OXSR1: variants seen among roughly 807,000 people sequenced by gnomAD.
The protein encoded by OXSR1 is oxidative stress responsive kinase 1.
A neutral mutation model predicts 79.8 loss-of-function variants in OXSR1; 24 were observed. The ratio of observed to expected loss-of-function variants is 0.30; its 90% CI spans 0.22 to 0.42. OXSR1 has a LOEUF of 0.42. Ranked by LOEUF, OXSR1 falls within the 10% of genes least tolerant of loss-of-function variation. The pLI is 1.00. For synonymous variants in OXSR1, 226 were observed against 209.2 expected (o/e 1.08, Z -0.69); for missense variants, 430 against 618.4 (o/e 0.70, Z 3.23).
At chr3:38,164,728 A>G (rs980290733), upstream of OXSR1, among the ~76,000 whole-genome samples, 1 of 152,160 alleles carries the variant, frequency 6.6e-6, no homozygotes, top group African/African-American at 2.4e-5. Context: ...GGGAAGAAAG[A>G]CAACCTCCCG....
chr3:38,222,935 AG>A (rs1420746691), intron 6 of OXSR1, among the ~76,000 whole-genome samples: 11 of 152,208 alleles, frequency 7.2e-5, no homozygotes, highest in Non-Finnish European at 1.5e-4. Context: ...ATGTTCACAT[AG>A]AATTAATAAA....
In OXSR1 at chr3:38,255,404, T is replaced by G. The variant is rs1483400477; in HGVS notation, c.*2513T>G. ...GCTAGGTTATGGAAGATGTAAAATA[T>G]TCAACTTTTTCCTCCTTTTTTTGGA... On this transcript the variant is annotated 3_prime_UTR_variant, in exon 18 of 18. Transcript: ENST00000311806. The G allele has an allele frequency of 6.5e-6, 1 of 152,684 alleles. No homozygotes were observed. Among genetic ancestry groups the G allele is most frequent in the East Asian group, 1.9e-4 (1 of 5,202 alleles). 9.5% of individuals were successfully genotyped at this position (152,684 alleles called of 1,614,324 possible).
chr3:38,182,437 T>C (rs947916600), intron 1 of OXSR1, among the ~76,000 whole-genome samples: 9 of 152,246 alleles, frequency 5.9e-5, no homozygotes, highest in African/African-American at 1.9e-4. Flanking sequence ...AGGTCTCTGC[T>C]GAGCTGCCCC....
chr3:38,201,411 T>A (rs1024076391), intron 4 of OXSR1, among the ~76,000 whole-genome samples: 3 of 151,442 alleles, frequency 2.0e-5, no homozygotes, highest in East Asian at 2.0e-4. Context: ...AAAAATTTTT[T>A]AAAATTATCC....
At chr3:38,245,506 G>A (rs1703121853) in intron 12 of OXSR1, among the ~76,000 whole-genome samples, 1 of 152,126 alleles carries the variant, frequency 6.6e-6, no homozygotes, top group Non-Finnish European at 1.5e-5. Flanking sequence ...GAAAAATATA[G>A]CTTCTGTAAT....
At chr3:38,233,982 A>C (rs1234214427) in intron 10 of OXSR1, among the ~76,000 whole-genome samples, 1 of 152,250 alleles carries the variant, frequency 6.6e-6, no homozygotes, top group East Asian at 1.9e-4. Context: ...CTTTCGTGCC[A>C]TGACAATTCA....
chr3:38,251,319 C>A, intron 15 of OXSR1, 84 bp from the exon 16 acceptor site: 1 of 1,121,610 alleles, frequency 8.9e-7, no homozygotes, highest in Non-Finnish European at 1.4e-6. Context: ...CCTAGCATGG[C>A]ACACTGACAC....
chr3:38,184,315 G>A (rs1470578410), intron 2 of OXSR1, among the ~76,000 whole-genome samples: 1 of 152,186 alleles, frequency 6.6e-6, no homozygotes, highest in Non-Finnish European at 1.5e-5. Flanking sequence ...GGAGTGGGCT[G>A]CTGGAATGAT....
At chr3:38,232,236 A>AT (rs1027055674) in intron 10 of OXSR1, among the ~76,000 whole-genome samples, 5 of 151,836 alleles carry the variant, frequency 3.3e-5, no homozygotes, top group African/African-American at 9.7e-5. Flanking sequence ...CCTGAGCAAC[A>AT]TAGTGAGACC....
chr3:38,206,225 TATACA>T (rs1702261673), intron 4 of OXSR1, among the ~76,000 whole-genome samples: 1 of 152,170 alleles, frequency 6.6e-6, no homozygotes, highest in Non-Finnish European at 1.5e-5. Flanking sequence ...TGCTCAAGCT[TATACA>T]ATGGGTCTAG....
At chr3:38,210,355 C>T (rs545814443) in intron 4 of OXSR1, among the ~76,000 whole-genome samples, 15 of 152,174 alleles carry the variant, frequency 9.9e-5, no homozygotes, top group Non-Finnish European at 1.8e-4. Context: ...TCTGGTAAAA[C>T]CAAGGTGGTT....
At chr3:38,246,960 GA>G (rs1159433629) in intron 13 of OXSR1, among the ~76,000 whole-genome samples, 1 of 148,922 alleles carries the variant, frequency 6.7e-6, no homozygotes, top group African/African-American at 2.5e-5. Flanking sequence ...TTAAAGGTCT[GA>G]TTTTTTTTTT....
chr3:38,216,232 A>G, intron 5 of OXSR1, 81 bp downstream of exon 5: 1 of 895,680 alleles, frequency 1.1e-6, no homozygotes, highest in Non-Finnish European at 1.8e-6. Context: ...CTTAATCAGC[A>G]TTCTCTCCTG....
At chr3:38,216,024 A>G (rs1012534435) in intron 4 of OXSR1, 72 bp from the exon 5 acceptor site, 2 of 896,514 alleles carry the variant, frequency 2.2e-6, no homozygotes, top group African/African-American at 1.7e-5. Flanking sequence ...AATATAGTAA[A>G]CAATTGCTTA....
chr3:38,233,975 T>C (rs1235504357), intron 10 of OXSR1, among the ~76,000 whole-genome samples: 4 of 152,184 alleles, frequency 2.6e-5, no homozygotes, highest in Non-Finnish European at 5.9e-5. Context: ...AAAGAAGCTT[T>C]CGTGCCATGA....
intron 4 of OXSR1, among the ~76,000 whole-genome samples, chr3:38,214,983 C>T (rs1002923341): frequency 6.6e-6 from 1 of 152,162 alleles, no homozygotes; most frequent in South Asian, 2.1e-4. Context: ...TGTGTAGCTT[C>T]AAGGGCTACC....
chr3:38,191,499 G>A (rs1701984773), intron 3 of OXSR1, among the ~76,000 whole-genome samples: 2 of 151,804 alleles, frequency 1.3e-5, no homozygotes, highest in Non-Finnish European at 2.9e-5. Flanking sequence ...CTTCTTGGTG[G>A]TATTTAACTT....
chr3:38,180,184 C>T (rs181208293), intron 1 of OXSR1, among the ~76,000 whole-genome samples: 1 of 152,132 alleles, frequency 6.6e-6, no homozygotes, highest in Non-Finnish European at 1.5e-5. Flanking sequence ...TTCAAGTGAT[C>T]CACCAGCCTC....
chr3:38,214,054 A>G (rs1200790799), intron 4 of OXSR1, among the ~76,000 whole-genome samples: 7 of 152,086 alleles, frequency 4.6e-5, no homozygotes, highest in African/African-American at 1.7e-4. Flanking sequence ...TGACTGTAAC[A>G]TATTAGTTTA....
Sources: allele counts gnomAD v4.1 joint callset (sites outside exome capture counted in the v4.1 genomes callset), GRCh38; gene constraint gnomAD v4.1.1; transcripts MANE v1.5; gene names NCBI Gene and HGNC (gene_info 2026-07-23, HGNC 2026-07-21).